Variants in DNAH5 observed in about 807,000 individuals in gnomAD.
DNAH5 encodes the protein dynein axonemal heavy chain 5, also known as axonemal beta dynein heavy chain 5.
A neutral mutation model predicts 518.2 loss-of-function variants in DNAH5; 372 were observed. That is an observed-to-expected ratio of 0.72 (90% confidence interval 0.66 to 0.78). The LOEUF (loss-of-function observed/expected upper bound fraction) is 0.78. Ranked by LOEUF, DNAH5 falls within the 30% of genes least tolerant of loss-of-function variation. The probability of loss-of-function intolerance (pLI) is 0.00; values close to 1 mark genes in which losing one functional copy is unlikely to be tolerated. For missense variants in DNAH5, 5,523 were observed against 5,687.0 expected, an observed-to-expected ratio of 0.97 and a Z score of 0.93; for synonymous variants, 2,039 against 2,025.9, an observed-to-expected ratio of 1.01 and a Z score of -0.17.
chr5:13,740,583 G>C (rs776899195), intron 65 of DNAH5, among the ~76,000 whole-genome samples: 2 of 152,210 alleles, frequency 1.3e-5, no homozygotes, highest in Non-Finnish European at 2.9e-5. Flanking sequence ...GCCTGGAACA[G>C]CATCTGGGAA....
rs1411664498 is a variant in DNAH5, at chr5:13,776,702, G to A, written c.9110C>T (p.Ser3037Phe). Residue 3037 changes from serine (S) to phenylalanine (F), a missense_variant, in exon 55 of 79, where the codon TCT becomes TTT. Ser to Phe is a radical substitution (Grantham distance 155, BLOSUM62 -2). Around this residue, in one of 3 missense-constraint regions of DNAH5, gnomAD observed 5,121 missense variants for 5,223.3 expected, o/e 0.98. Coordinates refer to ENST00000265104, the MANE Select transcript of DNAH5 (RefSeq NM_001369.3). ...AATTTCATCTCGAGCAAATAGGTTA[G>A]AGACCTTAAAAAGAAGTACAGGCAT... ...MNNVLSSGEV[S>F]NLFARDEIDE... 6.2e-7 allele frequency: 1 copy of A among 1,613,414 alleles called. No homozygotes were observed. Among genetic ancestry groups the A allele is most frequent in the Non-Finnish European group, 8.5e-7 (1 of 1,179,738 alleles).
intron 42 of DNAH5, 54 bp downstream of exon 42, chr5:13,817,494 A>C: frequency 6.4e-7 from 1 of 1,570,414 alleles, no homozygotes; most frequent in Non-Finnish European, 8.8e-7. Context: ...TATAGCCTCC[A>C]AGGATTCTAT....
rs563309537 is a variant in DNAH5 at position 13,793,889 on chromosome 5, A to C, written c.8010+47T>G. On this transcript the variant is annotated intron_variant, in intron 48 of 78. Transcript: ENST00000265104. Reference sequence around the variant, plus strand: ...TTTTTAAAAACTCTTCTAAGAATAAATCAATACCAAATTAAAGAAATAAAA... The same window carrying C: ...TTTTTAAAAACTCTTCTAAGAATAACTCAATACCAAATTAAAGAAATAAAA... 32 of 1,607,618 alleles carry C rather than the reference A, an allele frequency of 2.0e-5. No individual in the cohort carries two copies. The South Asian group carries it at 3.2e-4, about 16-fold the overall frequency.
At chr5:13,859,114 C>G (rs907146795) in intron 30 of DNAH5, among the ~76,000 whole-genome samples, 1 of 152,038 alleles carries the variant, frequency 6.6e-6, no homozygotes, top group Non-Finnish European at 1.5e-5. Flanking sequence ...CTACCATTGT[C>G]AAGATAACTG....
At chr5:13,842,498 GAAAGAAAGAA>G (rs1765425772) in intron 32 of DNAH5, among the ~76,000 whole-genome samples, 1 of 126,332 alleles carries the variant, frequency 7.9e-6, no homozygotes, top group Non-Finnish European at 1.7e-5. Context: ...AGAAAAGAAA[GAAAGAAAGAA>G]AAAGAAAGAA....
intron 65 of DNAH5, among the ~76,000 whole-genome samples, chr5:13,741,376 T>C (rs1748519279): frequency 6.6e-6 from 1 of 152,084 alleles, no homozygotes; most frequent in Non-Finnish European, 1.5e-5. Context: ...AGGTTTTGTG[T>C]CAATTCTTAA....
At chr5:13,986,991 T>C (rs1403587187) in intron 1 of DNAH5, among the ~76,000 whole-genome samples, 1 of 152,148 alleles carries the variant, frequency 6.6e-6, no homozygotes, top group Non-Finnish European at 1.5e-5. Flanking sequence ...GAGGAATTAA[T>C]ACAGTTAAGT....
At chr5:13,735,374 C>T in intron 67 of DNAH5, 53 bp from the exon 68 acceptor site, 1 of 1,529,860 alleles carries the variant, frequency 6.5e-7, no homozygotes, top group Admixed American at 1.7e-5. Flanking sequence ...TTTCAATTGT[C>T]TGTAAAAACA....
At position 13,769,065 on chromosome 5, in the gene DNAH5, G is replaced by T. The variant is rs1447889163; in HGVS notation, c.9792C>A (p.Asp3264Glu). Reference sequence around the variant, plus strand: ...TGCTGTCCACAATGGCCTGGGCCCTGTCCTTCACCTTCTGTACCTCAGCCT... The same window carrying T: ...TGCTGTCCACAATGGCCTGGGCCCTTTCCTTCACCTTCTGTACCTCAGCCT... ...KVKAEVQKVKDRAQAIVDSIS... is the reference protein window; with the variant it reads ...KVKAEVQKVKERAQAIVDSIS... Residue 3264 changes from aspartate (D) to glutamate (E), a missense_variant, in exon 58 of 79, where the codon GAC (aspartate) becomes GAA (glutamate). Transcript: ENST00000265104. 1 of 1,614,216 alleles carries T rather than the reference G, an allele frequency of 6.2e-7. No homozygotes were observed. Among genetic ancestry groups the T allele is most frequent in the Non-Finnish European group, 8.5e-7 (1 of 1,180,030 alleles).
Position 13,944,461 on chromosome 5 carries a change from G to A in DNAH5, c.-23C>T. On this transcript the variant is annotated 5_prime_UTR_variant, in exon 1 of 79. Transcript: ENST00000265104. ...CATTGTAGCCGTGCATGGACAGGCT[G>A]GAGTCAGCTCTTCCGGAATGGTCTT... The A allele has an allele frequency of 1.2e-6, 2 of 1,609,358 alleles. No individual in the cohort carries two copies. Among genetic ancestry groups the A allele is most frequent in the Non-Finnish European group, 1.7e-6 (2 of 1,177,742 alleles).
chr5:13,870,031 G>C (rs145635299), intron 24 of DNAH5, among the ~76,000 whole-genome samples: 1 of 152,076 alleles, frequency 6.6e-6, no homozygotes, highest in Non-Finnish European at 1.5e-5. Context: ...GTAAATAAAA[G>C]CAGACTTCAC....
chr5:13,996,860 A>G (rs1382027387), intron 1 of DNAH5, among the ~76,000 whole-genome samples: 1 of 152,182 alleles, frequency 6.6e-6, no homozygotes, highest in Non-Finnish European at 1.5e-5. Context: ...CAACTTCACT[A>G]GGCATTGCCC....
rs1036559068 is a variant in DNAH5 at position 13,692,148 on chromosome 5, T to A, written c.13724-13A>T. Reference sequence around the variant, plus strand: ...GGATCTCGTAAAGCTACAAAAAACATAAAAGAAAAGAACTTGGTGAAATTT... The same window carrying A: ...GGATCTCGTAAAGCTACAAAAAACAAAAAAGAAAAGAACTTGGTGAAATTT... On this transcript the variant is annotated splice_polypyrimidine_tract_variant and intron_variant, in intron 78 of 78. Transcript: ENST00000265104. 2 of 1,613,676 alleles carry A rather than the reference T, an allele frequency of 1.2e-6. No individual in the cohort carries two copies. Among genetic ancestry groups the A allele is most frequent in the African/African-American group, 2.7e-5 (2 of 74,900 alleles).
intron 76 of DNAH5, among the ~76,000 whole-genome samples, chr5:13,703,700 G>GGA (rs1742424015): frequency 6.6e-6 from 1 of 152,038 alleles, no homozygotes; most frequent in East Asian, 1.9e-4. Flanking sequence ...CCTTCTATGG[G>GGA]GAGAGAGCTC....
intron 1 of DNAH5, among the ~76,000 whole-genome samples, chr5:13,959,816 A>AC (rs1219968029): frequency 6.6e-6 from 1 of 152,056 alleles, no homozygotes; most frequent in Non-Finnish European, 1.5e-5. Context: ...AAAAATACAA[A>AC]ATTAGCCAGG....
intron 58 of DNAH5, 131 bp downstream of exon 58, chr5:13,768,829 C>T: frequency 3.7e-6 from 4 of 1,078,490 alleles, no homozygotes; most frequent in Non-Finnish European, 5.6e-6. Flanking sequence ...GAAAATATTA[C>T]TTGAAATCAC....
chr5:13,839,220 T>C (rs745846666), intron 35 of DNAH5, 136 bp downstream of exon 35: 3 of 755,372 alleles, frequency 4.0e-6, no homozygotes, highest in African/African-American at 1.8e-5. Flanking sequence ...AGAAAGCTGA[T>C]AATAAAGCTA....
At chr5:13,769,795 C>T (rs553787536) in intron 56 of DNAH5, among the ~76,000 whole-genome samples, 180 bp from the exon 57 acceptor site, 3 of 152,320 alleles carry the variant, frequency 2.0e-5, no homozygotes, top group African/African-American at 7.2e-5. Flanking sequence ...AGACTGATAA[C>T]ATGTATGTTC....
intron 12 of DNAH5, among the ~76,000 whole-genome samples, chr5:13,909,401 ACTCAC>A (rs1775717743): frequency 1.3e-5 from 2 of 152,116 alleles, no homozygotes; most frequent in Admixed American, 6.6e-5. Flanking sequence ...ATTGTACTAT[ACTCAC>A]CTATTTTCAG....
Sources: allele counts gnomAD v4.1 joint callset (sites outside exome capture counted in the v4.1 genomes callset), GRCh38; gene constraint gnomAD v4.1.1; regional missense constraint gnomAD v4.1.1; transcripts MANE v1.5; gene names NCBI Gene and HGNC (gene_info 2026-07-23, HGNC 2026-07-21).